The following CUX1 variants were observed in gnomAD, a reference collection of about 807,000 sequenced individuals.
CUX1 encodes cut like homeobox 1, also known as protein CASP.
A neutral mutation model predicts 158.8 loss-of-function variants in CUX1; 31 were observed. That is an observed-to-expected ratio of 0.20 (90% CI 0.15 to 0.26). CUX1 has a LOEUF of 0.26. Among genes scored for constraint, CUX1 ranks in the 10% least tolerant of loss-of-function variants. The probability of loss-of-function intolerance (pLI) is 1.00; values close to 1 mark genes in which losing one functional copy is unlikely to be tolerated. For missense variants in CUX1, 1,589 were observed against 2,014.6 expected (o/e 0.79, Z 4.04); for synonymous variants, 879 against 862.1 (o/e 1.02, Z -0.34).
intron 14 of CUX1, among the ~76,000 whole-genome samples, chr7:102,271,258 T>C (rs1554546185): frequency 6.6e-6 from 1 of 152,188 alleles, no homozygotes; most frequent in Non-Finnish European, 1.5e-5. Context: ...ACGCCCTCTT[T>C]TTATCCCAGG....
At chr7:102,213,782 G>A (rs1464299784) in intron 20 of CUX1, among the ~76,000 whole-genome samples, 2 of 152,196 alleles carry the variant, frequency 1.3e-5, no homozygotes, top group Non-Finnish European at 2.9e-5. Context: ...AAACAAGGGA[G>A]TCCACATGCT....
At chr7:102,275,753 A>G (rs984534231) in intron 17 of CUX1, among the ~76,000 whole-genome samples, 3 of 152,176 alleles carry the variant, frequency 2.0e-5, no homozygotes, top group Non-Finnish European at 4.4e-5. Context: ...TCACACCTGT[A>G]ATCCCAACAC....
At chr7:101,818,861 C>T (rs960176388) in intron 1 of CUX1, 3 of 152,152 alleles carry the variant, frequency 2.0e-5, no homozygotes, top group African/African-American at 7.2e-5. Context: ...TTCATTAGTT[C>T]CAGATTTTTC....
intron 3 of CUX1, among the ~76,000 whole-genome samples, chr7:102,030,691 G>GTTTTTGTTTT (rs1820663254): frequency 8.4e-6 from 1 of 119,386 alleles, no homozygotes; most frequent in African/African-American, 3.1e-5. Context: ...TTTAAAAAGT[G>GTTTTTGTTTT]TTTTTTTTTT....
intron 5 of CUX1, among the ~76,000 whole-genome samples, chr7:102,101,463 G>A (rs774895026): frequency 3.3e-5 from 5 of 152,188 alleles, no homozygotes; most frequent in African/African-American, 9.7e-5. Flanking sequence ...GGGCTGGTCC[G>A]TGAGCACTCA....
chr7:102,196,578 T>TA, intron 14 of CUX1, 56 bp from the exon 15 acceptor site: 2 of 1,406,566 alleles, frequency 1.4e-6, no homozygotes, highest in Non-Finnish European at 1.9e-6. Context: ...TGGTCTTGGT[T>TA]TTTTTTTCCC....
chr7:101,839,402 T>C (rs2970463), intron 1 of CUX1, among the ~76,000 whole-genome samples: 27,560 of 152,108 alleles, frequency 0.18, 2,689 homozygotes, highest in African/African-American at 0.24. Flanking sequence ...TAGTGGTCCT[T>C]CTTTCACGAA....
chr7:102,278,061 G>T, exon 18 of CUX1: 1 of 1,607,786 alleles, frequency 6.2e-7, no homozygotes, highest in South Asian at 1.1e-5. Context: ...AGCTACCCTG[G>T]CCGGGTGAGG....
At chr7:102,187,674 AT>A (rs59875022) in intron 11 of CUX1, among the ~76,000 whole-genome samples, 57,719 of 142,266 alleles carry the variant, frequency 0.41, 11,653 homozygotes, top group African/African-American at 0.5. Flanking sequence ...AATTTTTTGT[AT>A]TTTTTTTTTT....
At chr7:101,939,092 T>C (rs1585038551) in intron 2 of CUX1, among the ~76,000 whole-genome samples, 4 of 85,352 alleles carry the variant, frequency 4.7e-5, no homozygotes, top group South Asian at 4.3e-4. Flanking sequence ...TATATATATA[T>C]ATATATATAT....
At chr7:102,180,091 T>C (rs1413950586) in intron 11 of CUX1, among the ~76,000 whole-genome samples, 2 of 152,178 alleles carry the variant, frequency 1.3e-5, no homozygotes, top group Admixed American at 1.3e-4. Flanking sequence ...TGGCGCAGTC[T>C]TGGCTCACTG....
intron 1 of CUX1, among the ~76,000 whole-genome samples, chr7:101,824,221 T>G (rs1480309556): frequency 6.6e-6 from 1 of 152,156 alleles, no homozygotes; most frequent in Non-Finnish European, 1.5e-5. Flanking sequence ...CCCGAGTAGC[T>G]GTGATTACAG....
chr7:101,941,742 C>T (rs1254405686), intron 2 of CUX1, among the ~76,000 whole-genome samples: 1 of 152,186 alleles, frequency 6.6e-6, no homozygotes, highest in Non-Finnish European at 1.5e-5. Flanking sequence ...ATGATATTAA[C>T]TAGTCAACAG....
chr7:101,825,479 T>G (rs1302946195), intron 1 of CUX1, among the ~76,000 whole-genome samples: 1 of 152,138 alleles, frequency 6.6e-6, no homozygotes, highest in Non-Finnish European at 1.5e-5. Flanking sequence ...AGAGCTGTGC[T>G]GCGGAATCGT....
At position 102,255,747 on chromosome 7, in the gene CUX1, C is replaced by CA; in HGVS notation, c.*6706dup. 2 of 985,402 alleles carry CA rather than the reference C, an allele frequency of 2.0e-6. No homozygotes were observed. Among genetic ancestry groups the CA allele is most frequent in the Non-Finnish European group, 2.4e-6 (2 of 829,920 alleles). The allele number at this position is 985,402 out of a possible 1,614,324, so 61.0% of individuals were successfully genotyped here. On this transcript the variant is annotated 3_prime_UTR_variant, in exon 24 of 24. Transcript: ENST00000292535. The stretch of plus-strand genomic sequence containing the variant: ...GACTTCTGCTGGTGAAACAAGAGAC[C>CA]ATTCAGCAAGACACATTGAAGTGGC...
intron 10 of CUX1, among the ~76,000 whole-genome samples, chr7:102,174,901 C>T (rs1442827499): frequency 4.6e-5 from 7 of 152,032 alleles, no homozygotes; most frequent in Admixed American, 6.5e-5. Flanking sequence ...AGTGAGCTGA[C>T]GTGACACCAC....
At chr7:102,083,313 A>G (rs1264952772) in intron 4 of CUX1, among the ~76,000 whole-genome samples, 2 of 147,000 alleles carry the variant, frequency 1.4e-5, no homozygotes, top group African/African-American at 4.9e-5. Flanking sequence ...TCCCTTGCAC[A>G]TTTGAATTTT....
chr7:101,874,985 G>A (rs753382906), intron 1 of CUX1, among the ~76,000 whole-genome samples: 4 of 152,158 alleles, frequency 2.6e-5, no homozygotes, highest in Admixed American at 6.5e-5. Flanking sequence ...GACCCACCGC[G>A]CGCTGGCCGC....
chr7:101,882,235 G>A (rs563423884), intron 1 of CUX1, among the ~76,000 whole-genome samples: 3 of 152,056 alleles, frequency 2.0e-5, no homozygotes, highest in African/African-American at 7.2e-5. Flanking sequence ...AAGCAGATGA[G>A]GCTGGTGAAT....
Sources: allele counts gnomAD v4.1 joint callset (sites outside exome capture counted in the v4.1 genomes callset), GRCh38; gene constraint gnomAD v4.1.1; transcripts MANE v1.5; gene names NCBI Gene and HGNC (gene_info 2026-07-23, HGNC 2026-07-21).